Variants in GPATCH2 observed in about 807,000 individuals in gnomAD.
GPATCH2 encodes G patch domain-containing protein 2.
GPATCH2 carries 51 observed loss-of-function variants against 58.0 expected under a neutral mutation model. That is an observed-to-expected ratio of 0.88 (90% CI 0.70 to 1.11). The LOEUF (loss-of-function observed/expected upper bound fraction) is 1.11, where lower values mean the gene tolerates loss of function less well. Ranked by LOEUF, GPATCH2 falls within the 50% of genes most tolerant of loss-of-function variation. The pLI, the probability that GPATCH2 is intolerant of heterozygous loss-of-function variation, is 0.00. For missense variants in GPATCH2, 625 were observed against 652.2 expected (o/e 0.96, Z 0.45); for synonymous variants, 222 against 218.5 (o/e 1.02, Z -0.14).
intron 9 of GPATCH2, among the ~76,000 whole-genome samples, chr1:217,445,816 G>T (rs1275509833): frequency 6.6e-6 from 1 of 152,110 alleles, no homozygotes; most frequent in Admixed American, 6.5e-5. Flanking sequence ...GCTTTCTAAA[G>T]CGACTGAAAT....
chr1:217,565,287 T>C (rs1001451091), intron 5 of GPATCH2, among the ~76,000 whole-genome samples: 3 of 152,220 alleles, frequency 2.0e-5, no homozygotes, highest in Admixed American at 1.3e-4. Context: ...CATTTATTTA[T>C]AGTCAATGTA....
At chr1:217,599,199 TAGAAA>T (rs2102787668) in intron 5 of GPATCH2, among the ~76,000 whole-genome samples, 1 of 152,150 alleles carries the variant, frequency 6.6e-6, no homozygotes, top group East Asian at 1.9e-4. Flanking sequence ...AGAGTGAAAA[TAGAAA>T]AGAACAAATC....
chr1:217,608,372 T>TA, intron 5 of GPATCH2: 1 of 985,030 alleles, frequency 1.0e-6, no homozygotes, highest in South Asian at 4.7e-5. Context: ...AGTTCCATGA[T>TA]AAACACACAT....
At chr1:217,511,658 C>A in intron 6 of GPATCH2, among the ~76,000 whole-genome samples, 1 of 152,104 alleles carries the variant, frequency 6.6e-6, no homozygotes. Flanking sequence ...TGGCCATATA[C>A]CTTCTTCTGT....
intron 5 of GPATCH2, among the ~76,000 whole-genome samples, chr1:217,558,796 A>C (rs1319218196): frequency 6.6e-6 from 1 of 152,212 alleles, no homozygotes; most frequent in African/African-American, 2.4e-5. Context: ...AGGTTTTAAA[A>C]AATAAAATAA....
At chr1:217,592,166 C>T (rs1039540832) in intron 5 of GPATCH2, among the ~76,000 whole-genome samples, 2 of 151,988 alleles carry the variant, frequency 1.3e-5, no homozygotes, top group Non-Finnish European at 2.9e-5. Flanking sequence ...ATTCTGGCTA[C>T]ACAAGTTATA....
At chr1:217,585,893 C>T (rs999486366) in intron 5 of GPATCH2, among the ~76,000 whole-genome samples, 2 of 152,080 alleles carry the variant, frequency 1.3e-5, no homozygotes, top group Non-Finnish European at 2.9e-5. Flanking sequence ...TTCCAGGCTA[C>T]AAACCTCTAC....
intron 5 of GPATCH2, among the ~76,000 whole-genome samples, chr1:217,552,201 G>C (rs1558478281): frequency 6.6e-6 from 1 of 152,022 alleles, no homozygotes; most frequent in Non-Finnish European, 1.5e-5. Flanking sequence ...TGATGTATAT[G>C]AATAAAAACC....
At chr1:217,525,588 G>C (rs983984377) in intron 5 of GPATCH2, among the ~76,000 whole-genome samples, 8 of 152,176 alleles carry the variant, frequency 5.3e-5, no homozygotes, top group Non-Finnish European at 1.0e-4. Context: ...TCTCCTTGTT[G>C]CTTAGGTTAT....
intron 5 of GPATCH2, among the ~76,000 whole-genome samples, chr1:217,601,703 C>G (rs1358610112): frequency 1.3e-5 from 2 of 152,056 alleles, no homozygotes; most frequent in Non-Finnish European, 2.9e-5. Context: ...CAAGGCTGTC[C>G]AAGGCTGAAA....
chr1:217,437,701 G>A (rs1263096794), intron 9 of GPATCH2, among the ~76,000 whole-genome samples: 1 of 152,222 alleles, frequency 6.6e-6, no homozygotes, highest in Non-Finnish European at 1.5e-5. Context: ...TCTATGGGCA[G>A]GGCATCTCTG....
intron 5 of GPATCH2, among the ~76,000 whole-genome samples, chr1:217,600,954 T>G (rs1668076563): frequency 6.6e-6 from 1 of 152,152 alleles, no homozygotes. Context: ...AGATCACATA[T>G]ATCTCGAAAA....
intron 5 of GPATCH2, among the ~76,000 whole-genome samples, chr1:217,596,864 A>G (rs1667856521): frequency 6.6e-6 from 1 of 152,164 alleles, no homozygotes; most frequent in Non-Finnish European, 1.5e-5. Flanking sequence ...TTATTATTTT[A>G]AAATAATGAT....
intron 1 of GPATCH2, 37 bp downstream of exon 1, chr1:217,630,874 ACCCTT>A: frequency 6.8e-7 from 1 of 1,478,656 alleles, no homozygotes. Flanking sequence ...GGGCAATCAC[ACCCTT>A]CCCTGACCTC....
chr1:217,588,008 G>T (rs1394346869), intron 5 of GPATCH2, among the ~76,000 whole-genome samples: 4 of 152,088 alleles, frequency 2.6e-5, no homozygotes, highest in African/African-American at 4.8e-5. Flanking sequence ...TTCCTTTACA[G>T]CAAGAATAAG....
At chr1:217,583,065 T>A (rs760125103) in intron 5 of GPATCH2, among the ~76,000 whole-genome samples, 2 of 152,172 alleles carry the variant, frequency 1.3e-5, no homozygotes, top group Non-Finnish European at 2.9e-5. Context: ...TCATAAATAA[T>A]TACTGCATGT....
rs1249939005 is a variant in GPATCH2 at position 217,427,220 on chromosome 1, TGA to T, written c.*3923_*3924del. The T allele has an allele frequency of 1.3e-5, 2 of 152,076 alleles. No homozygotes were observed. Among genetic ancestry groups the T allele is most frequent in the African/African-American group, 4.8e-5 (2 of 41,416 alleles). The allele number at this position is 152,076 out of a possible 1,614,324, so 9.4% of individuals were successfully genotyped here. ...TGTTACATTAGAATCACAGAATCCTTGAGGGGAAAGAGACCTTAAGCAAGTTA... is the reference window on the plus strand; with the variant it reads ...TGTTACATTAGAATCACAGAATCCTTGGGGAAAGAGACCTTAAGCAAGTTA... On this transcript the variant is annotated 3_prime_UTR_variant, in exon 10 of 10. Coordinates refer to ENST00000366935, the MANE Select transcript of GPATCH2 (RefSeq NM_018040.5).
Position 217,506,279 on chromosome 1 carries a change from T to C in GPATCH2, c.1167-7884A>G, listed in dbSNP as rs1015244204. Among the ~76,000 whole-genome samples the C allele has an allele frequency of 5.3e-5, 8 of 152,172 alleles. 1 individual carries two copies. In the South Asian group the frequency reaches 6.2e-4, roughly 12 times the overall value. On this transcript the variant is annotated intron_variant, in intron 6 of 9. Transcript: ENST00000366935. ...ATATGAATTAACTTTGGAAATGGTA[T>C]ACAGTCTTCTATACCGACAGTTTCC...
At chr1:217,472,934 CTT>C (rs1660795802) in intron 8 of GPATCH2, among the ~76,000 whole-genome samples, 1 of 152,136 alleles carries the variant, frequency 6.6e-6, no homozygotes, top group South Asian at 2.1e-4. Context: ...CCCTTCAACT[CTT>C]TAGCACAGCA....
Sources: gnomAD v4.1 joint callset for allele counts (sites outside exome capture counted in the v4.1 genomes callset) on GRCh38, gnomAD v4.1.1 for gene constraint, MANE v1.5 for transcripts, NCBI Gene and HGNC (gene_info 2026-07-23, HGNC 2026-07-21) for gene names.